AGMO: variants seen among roughly 807,000 people sequenced by gnomAD.
The protein encoded by AGMO is glyceryl-ether monooxygenase.
AGMO carries 75 observed loss-of-function variants against 60.2 expected under a neutral mutation model. That is an observed-to-expected ratio of 1.25 (90% CI 1.03 to 1.51). The LOEUF is 1.51. AGMO is among the 40% of genes most tolerant of loss of function. The pLI, the probability that AGMO is intolerant of heterozygous loss-of-function variation, is 0.00. For synonymous variants in AGMO, 261 were observed against 177.1 expected (o/e 1.47, Z -3.76); for missense variants, 763 against 525.5 (o/e 1.45, Z -4.42).
At chr7:15,347,134 AT>A (rs1782064223) in intron 12 of AGMO, among the ~76,000 whole-genome samples, 2 of 151,972 alleles carry the variant, frequency 1.3e-5, no homozygotes, top group African/African-American at 4.8e-5. Flanking sequence ...ATTTTCCTGT[AT>A]TGCAATTCTT....
intron 2 of AGMO, among the ~76,000 whole-genome samples, chr7:15,547,175 G>GTGCT (rs1784804797): frequency 7.1e-6 from 1 of 140,666 alleles, no homozygotes; most frequent in Non-Finnish European, 1.6e-5. Flanking sequence ...CTAGATTTAG[G>GTGCT]ACCCTTCCTT....
At chr7:15,364,145 T>C (rs1048428593) in intron 12 of AGMO, among the ~76,000 whole-genome samples, 2 of 151,920 alleles carry the variant, frequency 1.3e-5, no homozygotes, top group African/African-American at 2.4e-5. Flanking sequence ...TGTGTATATA[T>C]ACCCCTATGG....
the AGMO span, among the ~76,000 whole-genome samples, chr7:15,168,885 T>G: frequency 1.3e-5 from 2 of 152,170 alleles, no homozygotes; most frequent in Non-Finnish European, 2.9e-5. Context: ...CCACTCTCAT[T>G]GGAGAAATTC....
In AGMO at chr7:15,341,494, G is replaced by C. The variant is rs143632956; in HGVS notation, c.1263+24020C>G. Among the ~76,000 whole-genome samples, 1,287 of 152,186 alleles carry C rather than the reference G, an allele frequency of 8.5e-3. 12 individuals carry two copies. The highest frequency in any genetic ancestry group is 0.025 in the African/African-American group (1,023 of 41,514). On this transcript the variant is annotated intron_variant, in intron 12 of 12. Transcript: ENST00000342526. ...TTGTCCATATCACTATCAGCATTTT[G>C]GTCAAGGACATTCAACAAGTCTCTA...
chr7:15,282,172 T>G lies in AGMO; in HGVS notation c.1264-80813A>C, dbSNP rs62450287. 6.3e-3 allele frequency among the ~76,000 whole-genome samples: 963 copies of G among 152,078 alleles called. 18 individuals carry two copies. Among genetic ancestry groups the G allele is most frequent in the Non-Finnish European group, 5.5e-3 (372 of 67,980 alleles). On this transcript the variant is annotated intron_variant, in intron 12 of 12. Coordinates refer to ENST00000342526, the MANE Select transcript of AGMO (RefSeq NM_001004320.2). The stretch of plus-strand genomic sequence containing the variant: ...TTCTGGTAATATGACAAAACAGGAT[T>G]CCATAACATCTCCAAAAGATCATAC...
At chr7:15,507,079 CAT>C (rs1169142338) in intron 3 of AGMO, among the ~76,000 whole-genome samples, 1 of 151,924 alleles carries the variant, frequency 6.6e-6, no homozygotes, top group East Asian at 1.9e-4. Flanking sequence ...AAAGGAATAA[CAT>C]ATTTATGATA....
chr7:15,150,729 C>T, the AGMO span, among the ~76,000 whole-genome samples: 21 of 152,002 alleles, frequency 1.4e-4, no homozygotes, highest in South Asian at 3.7e-3. Context: ...GATTTTTGTG[C>T]CTATGTTCAT....
chr7:15,516,042 A>T (rs1386344553), intron 3 of AGMO, among the ~76,000 whole-genome samples: 1 of 152,232 alleles, frequency 6.6e-6, no homozygotes. Context: ...CTACAAAAAT[A>T]ATAAGTATGT....
intron 12 of AGMO, among the ~76,000 whole-genome samples, chr7:15,307,391 A>T (rs1011659357): frequency 2.0e-5 from 3 of 152,054 alleles, no homozygotes; most frequent in African/African-American, 7.2e-5. Flanking sequence ...ATTTAATCTA[A>T]AAGTGACAGT....
intron 12 of AGMO, among the ~76,000 whole-genome samples, chr7:15,297,508 A>C (rs967154432): frequency 1.3e-5 from 2 of 152,206 alleles, no homozygotes; most frequent in Non-Finnish European, 2.9e-5. Context: ...TTTGAAAGAA[A>C]AAGTTCAACT....
At chr7:15,213,374 A>T (rs1004740790) in intron 12 of AGMO, among the ~76,000 whole-genome samples, 1 of 151,906 alleles carries the variant, frequency 6.6e-6, no homozygotes, top group Non-Finnish European at 1.5e-5. Flanking sequence ...GGGTAGAAAT[A>T]GAAAATCTCC....
intron 12 of AGMO, among the ~76,000 whole-genome samples, chr7:15,279,852 A>G (rs1420925236): frequency 3.3e-5 from 5 of 152,172 alleles, no homozygotes; most frequent in Non-Finnish European, 7.3e-5. Context: ...TGATTCAGAG[A>G]GCACTGGGGA....
intron 12 of AGMO, among the ~76,000 whole-genome samples, chr7:15,246,228 G>C (rs969915321): frequency 3.3e-5 from 5 of 152,122 alleles, no homozygotes; most frequent in African/African-American, 1.2e-4. Flanking sequence ...GCTTCAAGTG[G>C]TTAAAATAAA....
rs530187671 is a variant in AGMO at position 15,406,327 on chromosome 7, A to G, written c.610-12148T>C. On this transcript the variant is annotated intron_variant, in intron 5 of 12. Transcript: ENST00000342526. ...AATATACATATATATGTGTATATAT[A>G]TGGAATATACATATATATGTGTATA... is the stretch of plus-strand genomic sequence containing the variant. Among the ~76,000 whole-genome samples, 22 of 146,702 alleles carry G rather than the reference A, an allele frequency of 1.5e-4. 1 individual carries two copies. Among genetic ancestry groups the G allele is most frequent in the African/African-American group, 4.8e-4 (19 of 39,724 alleles).
At position 15,474,322 on chromosome 7, in the gene AGMO, A is replaced by G. The variant is rs187637851; in HGVS notation, c.410-43214T>C. Among the ~76,000 whole-genome samples, 1,088 of 152,320 alleles carry G rather than the reference A, an allele frequency of 7.1e-3. 6 individuals carry two copies. Among genetic ancestry groups the G allele is most frequent in the African/African-American group, 0.022 (897 of 41,574 alleles). On this transcript the variant is annotated intron_variant, in intron 3 of 12. Transcript: ENST00000342526. Reference sequence around the variant, plus strand: ...ACTATACTACAAGCCTACAGTAACCAAAACAGCTTGGTACTGGTACCAAAA... The same window carrying G: ...ACTATACTACAAGCCTACAGTAACCGAAACAGCTTGGTACTGGTACCAAAA...
chr7:15,300,866 A>G (rs567271844), intron 12 of AGMO, among the ~76,000 whole-genome samples: 3 of 152,250 alleles, frequency 2.0e-5, no homozygotes, highest in Admixed American at 2.0e-4. Context: ...GGCAAAATGT[A>G]CTTTTTTCCT....
chr7:15,175,981 G>C, the AGMO span, among the ~76,000 whole-genome samples: 2 of 151,884 alleles, frequency 1.3e-5, no homozygotes, highest in Non-Finnish European at 2.9e-5. Flanking sequence ...ATGGAACCAA[G>C]ATCACAAGGA....
downstream of AGMO, among the ~76,000 whole-genome samples, chr7:15,197,178 T>C (rs1174901101): frequency 6.6e-6 from 1 of 152,126 alleles, no homozygotes; most frequent in Non-Finnish European, 1.5e-5. Context: ...TTTTTTGCTA[T>C]TTTATCTTGG....
At chr7:15,431,515 A>C (rs1446238127) in intron 3 of AGMO, among the ~76,000 whole-genome samples, 1 of 151,812 alleles carries the variant, frequency 6.6e-6, no homozygotes, top group Non-Finnish European at 1.5e-5. Flanking sequence ...CTAAAGAAAA[A>C]TTGTCTGATG....
Sources: gnomAD v4.1 joint callset for allele counts (sites outside exome capture counted in the v4.1 genomes callset) on GRCh38, gnomAD v4.1.1 for gene constraint, MANE v1.5 for transcripts, NCBI Gene and HGNC (gene_info 2026-07-23, HGNC 2026-07-21) for gene names.